Variants in NBAS observed in about 807,000 individuals in gnomAD.
The protein encoded by NBAS is NAG/BC035112 fusion.
Under a neutral mutation model 302.5 loss-of-function variants are expected in NBAS, and 219 were observed. The ratio of observed to expected loss-of-function variants is 0.72; its 90% CI spans 0.65 to 0.81. The LOEUF (loss-of-function observed/expected upper bound fraction) is 0.81. Among genes scored for constraint, NBAS ranks in the 30% least tolerant of loss-of-function variants. The pLI, the probability that NBAS is intolerant of heterozygous loss-of-function variation, is 0.00. For missense variants in NBAS, 2,932 were observed against 2,841.6 expected, an observed-to-expected ratio of 1.03 and a Z score of -0.72; for synonymous variants, 1,118 against 1,021.6, an observed-to-expected ratio of 1.09 and a Z score of -1.80.
chr2:14,842,694 C>T, the NBAS span, among the ~76,000 whole-genome samples: 7 of 151,796 alleles, frequency 4.6e-5, no homozygotes, highest in Admixed American at 2.0e-4. Flanking sequence ...AAAGAAAAGT[C>T]TAAGATCTGT....
chr2:15,134,795 T>G, the NBAS span, among the ~76,000 whole-genome samples: 2 of 152,334 alleles, frequency 1.3e-5, no homozygotes, highest in East Asian at 3.9e-4. Context: ...AGCTAGAAGA[T>G]GAACCTCATT....
chr2:14,833,757 C>G, the NBAS span, among the ~76,000 whole-genome samples: 2 of 151,726 alleles, frequency 1.3e-5, no homozygotes. Flanking sequence ...AGCTATATGA[C>G]TTTGAATATG....
intron 23 of NBAS, among the ~76,000 whole-genome samples, chr2:15,419,888 A>G (rs1261288435): frequency 6.6e-6 from 1 of 151,580 alleles, no homozygotes; most frequent in Non-Finnish European, 1.5e-5. Flanking sequence ...ATTTTTTTGT[A>G]TTTTTAGTAG....
At chr2:15,444,173 C>CA (rs1345592292) in intron 21 of NBAS, among the ~76,000 whole-genome samples, 23 of 151,792 alleles carry the variant, frequency 1.5e-4, no homozygotes, top group African/African-American at 5.6e-4. Context: ...CATATGGAAC[C>CA]AAAAAAGAGC....
At chr2:15,212,483 A>G (rs914673346) in intron 48 of NBAS, among the ~76,000 whole-genome samples, 1 of 152,108 alleles carries the variant, frequency 6.6e-6, no homozygotes, top group African/African-American at 2.4e-5. Context: ...CCTCTTCAAG[A>G]GCAGTGAGCC....
intron 14 of NBAS, 101 bp from the exon 15 acceptor site, chr2:15,474,425 T>A (rs1680099993): frequency 8.1e-7 from 1 of 1,241,084 alleles, no homozygotes; most frequent in Non-Finnish European, 1.1e-6. Flanking sequence ...TCTGGTTTGA[T>A]TCATTAAATC....
the NBAS span, among the ~76,000 whole-genome samples, chr2:14,819,377 C>T: frequency 2.0e-5 from 3 of 152,200 alleles, no homozygotes; most frequent in African/African-American, 7.2e-5. Flanking sequence ...CCAGCAACTC[C>T]TCCAATAATT....
the NBAS span, among the ~76,000 whole-genome samples, chr2:14,878,015 C>A: frequency 1.3e-5 from 2 of 152,132 alleles, no homozygotes; most frequent in African/African-American, 2.4e-5. Context: ...TACCTGCCAG[C>A]GCATTTCCCC....
chr2:14,939,366 C>T, the NBAS span, among the ~76,000 whole-genome samples: 1 of 152,230 alleles, frequency 6.6e-6, no homozygotes, highest in Non-Finnish European at 1.5e-5. Flanking sequence ...CAAGAAAAGC[C>T]ATTCTTTAGA....
At chr2:14,900,632 A>C in the NBAS span, among the ~76,000 whole-genome samples, 1 of 152,226 alleles carries the variant, frequency 6.6e-6, no homozygotes, top group Admixed American at 6.5e-5. Flanking sequence ...CATTATGCCC[A>C]GTATTAATTT....
intron 36 of NBAS, among the ~76,000 whole-genome samples, chr2:15,330,079 T>C (rs573310818): frequency 2.6e-5 from 4 of 151,946 alleles, no homozygotes; most frequent in Admixed American, 6.6e-5. Context: ...GCACATGGAG[T>C]GTTTGTTTGA....
intron 21 of NBAS, among the ~76,000 whole-genome samples, chr2:15,430,558 T>G (rs1304127698): frequency 1.3e-5 from 2 of 152,214 alleles, no homozygotes; most frequent in South Asian, 2.1e-4. Flanking sequence ...AGATATTATC[T>G]TCCTCATATT....
At chr2:15,421,659 A>G (rs1445851900) in intron 23 of NBAS, among the ~76,000 whole-genome samples, 1 of 152,100 alleles carries the variant, frequency 6.6e-6, no homozygotes. Flanking sequence ...TAAATGAAAG[A>G]ATGAGAGAAA....
chr2:15,520,996 G>A (rs1662644597), intron 9 of NBAS, among the ~76,000 whole-genome samples: 1 of 152,204 alleles, frequency 6.6e-6, no homozygotes, highest in African/African-American at 2.4e-5. Context: ...CTGGTCATCA[G>A]TAAAAGCTCT....
At position 15,224,968 on chromosome 2, in the gene NBAS, A is replaced by T. The variant is rs114428873; in HGVS notation, c.6237-6000T>A. ...AACTGGCAAGGAATAAGAACTGCAAATAAACAAATGTGTAAATGGTACCGT... is the reference window on the plus strand; with the variant it reads ...AACTGGCAAGGAATAAGAACTGCAATTAAACAAATGTGTAAATGGTACCGT... On this transcript the variant is annotated intron_variant, in intron 47 of 51. Transcript: ENST00000281513. 4.5e-3 allele frequency among the ~76,000 whole-genome samples: 688 copies of T among 152,326 alleles called. 5 individuals carry two copies. Among genetic ancestry groups the T allele is most frequent in the Middle Eastern group, 0.01 (3 of 294 alleles).
chr2:15,373,635 G>C (rs939674218), intron 31 of NBAS, among the ~76,000 whole-genome samples: 1 of 152,134 alleles, frequency 6.6e-6, no homozygotes, highest in Non-Finnish European at 1.5e-5. Flanking sequence ...CCAGCCTAAT[G>C]AATTTGTCTG....
At chr2:14,902,251 C>A in the NBAS span, among the ~76,000 whole-genome samples, 1 of 152,186 alleles carries the variant, frequency 6.6e-6, no homozygotes, top group Non-Finnish European at 1.5e-5. Context: ...TGTGCGTCAG[C>A]CTCCCAAGTA....
At chr2:14,914,773 G>A in the NBAS span, among the ~76,000 whole-genome samples, 1 of 152,214 alleles carries the variant, frequency 6.6e-6, no homozygotes, top group Non-Finnish European at 1.5e-5. Flanking sequence ...TAACTTCCCT[G>A]AGATAAGCGA....
chr2:15,255,178 C>T (rs1668536773), intron 44 of NBAS, among the ~76,000 whole-genome samples: 1 of 152,174 alleles, frequency 6.6e-6, no homozygotes, highest in Non-Finnish European at 1.5e-5. Flanking sequence ...TTTACATTCC[C>T]ACCAGCAGTG....
Sources: gnomAD v4.1 joint callset for allele counts (sites outside exome capture counted in the v4.1 genomes callset) on GRCh38, gnomAD v4.1.1 for gene constraint, MANE v1.5 for transcripts, NCBI Gene and HGNC (gene_info 2026-07-23, HGNC 2026-07-21) for gene names.